The following ALPK2 variants were observed in gnomAD, a reference collection of about 807,000 sequenced individuals.
The protein encoded by ALPK2 is alpha-protein kinase 2.
In ALPK2, 127 loss-of-function variants were observed where a neutral mutation model predicts 163.1. That is an observed-to-expected ratio of 0.78 (90% CI 0.67 to 0.90). The LOEUF (loss-of-function observed/expected upper bound fraction) is 0.90, where lower values mean the gene tolerates loss of function less well. Among genes scored for constraint, ALPK2 ranks in the 40% least tolerant of loss-of-function variants. The probability of loss-of-function intolerance (pLI) is 0.00; values close to 1 mark genes in which losing one functional copy is unlikely to be tolerated. For missense variants in ALPK2, 2,360 were observed against 2,589.6 expected, an observed-to-expected ratio of 0.91 and a Z score of 1.92; for synonymous variants, 953 against 959.1, an observed-to-expected ratio of 0.99 and a Z score of 0.12.
At chr18:58,571,998 A>G (rs973468318) in intron 4 of ALPK2, among the ~76,000 whole-genome samples, 11 of 131,326 alleles carry the variant, frequency 8.4e-5, no homozygotes, top group Non-Finnish European at 1.8e-4. Flanking sequence ...AAAAAAAAAA[A>G]GGTGTGTAAA....
Position 58,481,464 on chromosome 18 carries a change from G to T in ALPK2, c.*359C>A, listed in dbSNP as rs1356419076. On this transcript the variant is annotated 3_prime_UTR_variant, in exon 13 of 13. Transcript: ENST00000361673. The stretch of plus-strand genomic sequence containing the variant: ...TAGGAATGACAGTGGGAAGAATTTT[G>T]GCTGTGAACAGACTCTTCTCAGCAC... The T allele has an allele frequency of 4.4e-6, 1 of 229,344 alleles. No homozygotes were observed. Among genetic ancestry groups the T allele is most frequent in the African/African-American group, 2.3e-5 (1 of 43,736 alleles). 14.2% of individuals were successfully genotyped at this position (229,344 alleles called of 1,614,324 possible).
chr18:58,513,063 GGTGA>G (rs2144122413), intron 10 of ALPK2, among the ~76,000 whole-genome samples: 2 of 139,066 alleles, frequency 1.4e-5, no homozygotes, highest in South Asian at 4.9e-4. Context: ...TTGTGCATAT[GGTGA>G]GTGTTGTGTG....
chr18:58,614,325 G>T (rs893641414), intron 1 of ALPK2, among the ~76,000 whole-genome samples: 5 of 152,198 alleles, frequency 3.3e-5, no homozygotes, highest in Non-Finnish European at 1.5e-5. Context: ...TTGTGATTGT[G>T]AATTGGGTCC....
chr18:58,517,008 T>C lies in ALPK2; in HGVS notation c.5840A>G (p.Lys1947Arg), dbSNP rs1319248344. Residue 1947 changes from lysine (K) to arginine (R), a missense_variant, in exon 9 of 13, where the codon AAA (lysine) becomes AGA (arginine). By Grantham distance (26) the Lys-to-Arg change is conservative. Transcript: ENST00000361673. The part of the protein sequence containing the change: ...TVMHGLMPVF[K>R]PGHACVLKVH... The stretch of plus-strand genomic sequence containing the variant: ...CTTAAGCACACAGGCATGGCCAGGT[T>C]TGAAGACAGGCATGAGGCCGTGCAT... 6.2e-7 allele frequency: 1 copy of C among 1,614,108 alleles called. No individual in the cohort carries two copies. Among genetic ancestry groups the C allele is most frequent in the East Asian group, 2.2e-5 (1 of 44,898 alleles).
intron 3 of ALPK2, among the ~76,000 whole-genome samples, chr18:58,587,196 C>T (rs936055634): frequency 5.3e-5 from 8 of 152,174 alleles, no homozygotes; most frequent in African/African-American, 1.9e-4. Flanking sequence ...CATTAGCTGA[C>T]CACTAAGCTA....
chr18:58,545,554 T>A (rs1261215380), intron 4 of ALPK2, among the ~76,000 whole-genome samples: 2 of 152,064 alleles, frequency 1.3e-5, no homozygotes, highest in Non-Finnish European at 2.9e-5. Context: ...TATGAGAAGA[T>A]TGATTGTCAA....
chr18:58,503,822 C>T (rs1602189469), intron 11 of ALPK2, 109 bp downstream of exon 11: 4 of 991,668 alleles, frequency 4.0e-6, no homozygotes, highest in East Asian at 4.9e-5. Flanking sequence ...AAAGGTGTTT[C>T]AAGGTACCCA....
chr18:58,565,770 CCTTTCTTTCTTT>C (rs879522857), intron 4 of ALPK2, among the ~76,000 whole-genome samples: 1 of 80,560 alleles, frequency 1.2e-5, no homozygotes, highest in Non-Finnish European at 2.8e-5. Flanking sequence ...TTCCTTCCTT[CCTTTCTTTCTTT>C]CTTTCTTCCT....
Position 58,481,712 on chromosome 18 carries a change from A to G in ALPK2, c.*111T>C, listed in dbSNP as rs1431801799. The G allele has an allele frequency of 1.2e-6, 1 of 835,502 alleles. No individual in the cohort carries two copies. The highest frequency in any genetic ancestry group is 2.5e-5 in the East Asian group (1 of 40,684). The allele number at this position is 835,502 out of a possible 1,614,324, so 51.8% of individuals were successfully genotyped here. On this transcript the variant is annotated 3_prime_UTR_variant, in exon 13 of 13. Transcript: ENST00000361673. ...CTTGGCGCACAGTCGGCTGGGAGTA[A>G]GGATTGCCACGCACTCTCTGCAGGC...
At chr18:58,527,356 T>G (rs1437387299) in intron 6 of ALPK2, among the ~76,000 whole-genome samples, 1 of 152,198 alleles carries the variant, frequency 6.6e-6, no homozygotes, top group Non-Finnish European at 1.5e-5. Context: ...TTCTCAAGTG[T>G]TAGCATGGAG....
At chr18:58,493,538 T>C (rs1056195754) in intron 12 of ALPK2, among the ~76,000 whole-genome samples, 16 of 152,132 alleles carry the variant, frequency 1.1e-4, no homozygotes, top group African/African-American at 3.9e-4. Flanking sequence ...GCAGAGCCTT[T>C]CTTTTGGAAC....
chr18:58,604,131 G>C (rs2052086065), intron 3 of ALPK2, among the ~76,000 whole-genome samples: 1 of 152,146 alleles, frequency 6.6e-6, no homozygotes, highest in Non-Finnish European at 1.5e-5. Context: ...GATTAGATTT[G>C]TTAAACCAAA....
chr18:58,566,163 T>A (rs1386901945), intron 4 of ALPK2, among the ~76,000 whole-genome samples: 1 of 152,236 alleles, frequency 6.6e-6, no homozygotes, highest in Non-Finnish European at 1.5e-5. Flanking sequence ...TATAGTTTTT[T>A]AAAAATTTTA....
chr18:58,611,849 T>G (rs555760902), intron 1 of ALPK2, 32 bp from the exon 2 acceptor site: 1 of 1,338,800 alleles, frequency 7.5e-7, no homozygotes, highest in African/African-American at 1.5e-5. Context: ...GACATCACCA[T>G]TTGTTCTGGG....
intron 3 of ALPK2, among the ~76,000 whole-genome samples, chr18:58,592,834 C>T (rs1015506907): frequency 4.6e-5 from 7 of 152,166 alleles, no homozygotes; most frequent in Admixed American, 2.6e-4. Flanking sequence ...GGAGAAGCCA[C>T]TTGACAGCTC....
At position 58,492,116 on chromosome 18, in the gene ALPK2, C is replaced by G. The variant is rs572586768; in HGVS notation, c.6296+5933G>C. Among the ~76,000 whole-genome samples the G allele has an allele frequency of 4.3e-4, 66 of 152,160 alleles. No homozygotes were observed. In the South Asian group the frequency reaches 0.013, roughly 30 times the overall value. On this transcript the variant is annotated intron_variant, in intron 12 of 12. Transcript: ENST00000361673. ...ATTGTTTTCCCACAGGCTCCTTCCC[C>G]TCTGCCTTCAAACAGGCAAGGTCTC...
chr18:58,526,927 T>C (rs1325857723), intron 6 of ALPK2, among the ~76,000 whole-genome samples: 1 of 152,256 alleles, frequency 6.6e-6, no homozygotes, highest in Non-Finnish European at 1.5e-5. Context: ...TCAGACACTT[T>C]AAGTTACAGG....
At chr18:58,611,521 T>A (rs2052131210) in intron 2 of ALPK2, among the ~76,000 whole-genome samples, 168 bp downstream of exon 2, 1 of 152,010 alleles carries the variant, frequency 6.6e-6, no homozygotes, top group Non-Finnish European at 1.5e-5. Flanking sequence ...CTCAAAGAAA[T>A]CTTTTAGAAA....
At chr18:58,489,097 AG>A (rs1027243571) in intron 12 of ALPK2, among the ~76,000 whole-genome samples, 15 of 152,262 alleles carry the variant, frequency 9.9e-5, no homozygotes, top group African/African-American at 3.4e-4. Context: ...GGAAACGCGG[AG>A]GGTGCCATTT....
Sources: allele counts gnomAD v4.1 joint callset (sites outside exome capture counted in the v4.1 genomes callset), GRCh38; gene constraint gnomAD v4.1.1; transcripts MANE v1.5; gene names NCBI Gene and HGNC (gene_info 2026-07-23, HGNC 2026-07-21).